The following ADAMTS18 variants were observed in gnomAD, a reference collection of about 807,000 sequenced individuals.
The protein encoded by ADAMTS18 is A disintegrin and metalloproteinase with thrombospondin motifs 18.
In ADAMTS18, 157 loss-of-function variants were observed where a neutral mutation model predicts 165.9. That is an observed-to-expected ratio of 0.95 (90% CI 0.83 to 1.08). The LOEUF (loss-of-function observed/expected upper bound fraction) is 1.08. Ranked by LOEUF, ADAMTS18 falls within the 50% of genes least tolerant of loss-of-function variation. The pLI is 0.00. For missense variants in ADAMTS18, 2,040 were observed against 1,534.0 expected (o/e 1.33, Z -5.51); for synonymous variants, 782 against 578.2 (o/e 1.35, Z -5.06).
chr16:77,326,023 G>C lies in ADAMTS18; in HGVS notation c.1875C>G (p.Gly625=). The part of the protein sequence containing the change: ...HCNNPKPQYG[G]LFCPGSSRIY... ...TACGGCTAGAACCTGGACAGAATAA[G>C]CCACCATACTGAGGCCTGAAAATGA... is the stretch of plus-strand genomic sequence containing the variant. The change falls in exon 13 of 23, where the codon GGC becomes GGG. Residue 625 remains glycine (G), a synonymous_variant. Transcript: ENST00000282849. 2 of 1,613,850 alleles carry C rather than the reference G, an allele frequency of 1.2e-6. No homozygotes were observed. Among genetic ancestry groups the C allele is most frequent in the African/African-American group, 2.7e-5 (2 of 75,036 alleles).
chr16:77,288,164 C>A (rs916962592), intron 22 of ADAMTS18, among the ~76,000 whole-genome samples: 1 of 152,116 alleles, frequency 6.6e-6, no homozygotes, highest in Admixed American at 6.5e-5. Context: ...TTGGACCATA[C>A]GTGCATGTTG....
At chr16:77,324,781 CCTATT>C (rs1256054647) in intron 13 of ADAMTS18, among the ~76,000 whole-genome samples, 1 of 152,178 alleles carries the variant, frequency 6.6e-6, no homozygotes, top group Non-Finnish European at 1.5e-5. Flanking sequence ...GAACATCCTT[CCTATT>C]CAATAGCTCT....
At chr16:77,338,496 C>A (rs1286802058) in intron 11 of ADAMTS18, among the ~76,000 whole-genome samples, 3 of 151,626 alleles carry the variant, frequency 2.0e-5, no homozygotes, top group African/African-American at 7.3e-5. Flanking sequence ...CGAGGCCCCC[C>A]AAAGTGCTGA....
chr16:77,297,227 A>G, intron 18 of ADAMTS18, 62 bp downstream of exon 18: 2 of 1,599,656 alleles, frequency 1.3e-6, no homozygotes, highest in Non-Finnish European at 8.6e-7. Context: ...TCATCATCTC[A>G]TAACAACAAT....
intron 17 of ADAMTS18, among the ~76,000 whole-genome samples, chr16:77,298,525 C>A (rs1469626385): frequency 1.3e-5 from 2 of 152,118 alleles, no homozygotes; most frequent in African/African-American, 4.8e-5. Context: ...GGCACGATGG[C>A]TCACACTGAT....
intron 12 of ADAMTS18, among the ~76,000 whole-genome samples, chr16:77,332,705 A>G (rs1308596446): frequency 6.6e-6 from 1 of 152,098 alleles, no homozygotes; most frequent in African/African-American, 2.4e-5. Flanking sequence ...AAGTAACATA[A>G]AACCACCTTC....
intron 14 of ADAMTS18, among the ~76,000 whole-genome samples, chr16:77,321,958 C>A (rs1394301494): frequency 6.6e-6 from 1 of 151,988 alleles, no homozygotes; most frequent in African/African-American, 2.4e-5. Flanking sequence ...GAGTTCAAGA[C>A]CAGTCGGGCC....
chr16:77,360,687 C>T (rs186485592), intron 7 of ADAMTS18, among the ~76,000 whole-genome samples: 20 of 152,212 alleles, frequency 1.3e-4, no homozygotes, highest in African/African-American at 4.3e-4. Flanking sequence ...GGAACAATTC[C>T]CAAAATCATT....
intron 17 of ADAMTS18, among the ~76,000 whole-genome samples, chr16:77,297,796 C>T (rs527512524): frequency 2.0e-5 from 3 of 151,966 alleles, no homozygotes; most frequent in African/African-American, 7.2e-5. Context: ...ATATGGAAAC[C>T]CTAAGATTTT....
chr16:77,309,690 A>T (rs550778669), intron 16 of ADAMTS18, among the ~76,000 whole-genome samples: 1 of 152,292 alleles, frequency 6.6e-6, no homozygotes, highest in African/African-American at 2.4e-5. Flanking sequence ...CCATGCACTT[A>T]TTTCTTGGGG....
chr16:77,360,611 T>G (rs1027482268), intron 7 of ADAMTS18, among the ~76,000 whole-genome samples: 1 of 152,184 alleles, frequency 6.6e-6, no homozygotes, highest in East Asian at 1.9e-4. Context: ...ATATGTCACT[T>G]TGCACATTCC....
rs766463872 is a variant in ADAMTS18, at chr16:77,320,090, T to C, written c.2291A>G (p.Tyr764Cys). The C allele has an allele frequency of 2.5e-6, 4 of 1,614,092 alleles. No homozygotes were observed. The highest frequency in any genetic ancestry group is 4.5e-5 in the East Asian group (2 of 44,856). ...LYLNQHKANE[Y>C]YPVVLIPAGA... Reference sequence around the variant, plus strand: ...AGCTGGAATGAGGACCACCGGATAATATTCTAAATGGAAAGAAGAGAACAT... The same window carrying C: ...AGCTGGAATGAGGACCACCGGATAACATTCTAAATGGAAAGAAGAGAACAT... The change falls in exon 16 of 23, where the codon TAT becomes TGT. Residue 764 changes from tyrosine to cysteine, a missense_variant. Coordinates refer to ENST00000282849, the MANE Select transcript of ADAMTS18 (RefSeq NM_199355.4).
chr16:77,294,924 T>G lies in ADAMTS18; in HGVS notation c.3005A>C (p.Gln1002Pro). The change falls in exon 19 of 23, where the codon CAG becomes CCG. Residue 1002 changes from glutamine (Q) to proline (P), a missense_variant and splice_region_variant. By Grantham distance (76) the Gln-to-Pro change is moderately conservative. Coordinates refer to ENST00000282849, the MANE Select transcript of ADAMTS18 (RefSeq NM_199355.4). ...AACTCCCAAGTTTTCTCCTGTTACC[T>G]GAGACCAGGGTCCAAGGCTCCATTG... ...PPQWSLGPWS[Q>P]CSKTCGRGVR... 2 of 1,613,922 alleles carry G rather than the reference T, an allele frequency of 1.2e-6. No homozygotes were observed. The highest frequency in any genetic ancestry group is 1.7e-6 in the Non-Finnish European group (2 of 1,179,826).
At chr16:77,404,241 A>C (rs919700694) in intron 3 of ADAMTS18, among the ~76,000 whole-genome samples, 1 of 152,218 alleles carries the variant, frequency 6.6e-6, no homozygotes, top group Non-Finnish European at 1.5e-5. Context: ...CTGCTAAAAC[A>C]ATTATCAAAC....
chr16:77,348,429 A>G (rs1227018157), intron 10 of ADAMTS18, among the ~76,000 whole-genome samples: 3 of 152,138 alleles, frequency 2.0e-5, no homozygotes, highest in African/African-American at 7.2e-5. Flanking sequence ...GAGGCAGGCA[A>G]CCTCCAGGGT....
chr16:77,360,527 A>C (rs2056697265), intron 7 of ADAMTS18, among the ~76,000 whole-genome samples: 1 of 152,152 alleles, frequency 6.6e-6, no homozygotes, highest in African/African-American at 2.4e-5. Context: ...CTTTTAGTAC[A>C]TTTTGGTCTC....
At chr16:77,342,364 T>G (rs546410810) in intron 10 of ADAMTS18, among the ~76,000 whole-genome samples, 9 of 152,288 alleles carry the variant, frequency 5.9e-5, no homozygotes, top group African/African-American at 2.2e-4. Flanking sequence ...ATTACTACCT[T>G]TTTCATCTTT....
intron 9 of ADAMTS18, among the ~76,000 whole-genome samples, chr16:77,355,408 A>T (rs1224637539): frequency 2.6e-5 from 4 of 152,196 alleles, no homozygotes; most frequent in African/African-American, 9.7e-5. Context: ...CAAACATAAT[A>T]GTCAAAGAAG....
chr16:77,378,755 T>C (rs75135028), intron 3 of ADAMTS18: 5,191 of 152,134 alleles, frequency 0.034, 105 homozygotes, highest in South Asian at 0.057. Context: ...GTGCTAAAAA[T>C]AGTGCTCAGG....
Sources: allele counts gnomAD v4.1 joint callset (sites outside exome capture counted in the v4.1 genomes callset), GRCh38; gene constraint gnomAD v4.1.1; transcripts MANE v1.5; gene names NCBI Gene and HGNC (gene_info 2026-07-23, HGNC 2026-07-21).